The following KIF15 variants were observed in gnomAD, a reference collection of about 807,000 sequenced individuals.
KIF15 encodes the protein kinesin family member 15, also known as kinesin-like protein KIF15.
KIF15 carries 140 observed loss-of-function variants against 190.6 expected under a neutral mutation model. That is an observed-to-expected ratio of 0.73 (90% CI 0.64 to 0.84). The LOEUF (loss-of-function observed/expected upper bound fraction) is 0.84. Ranked by LOEUF, KIF15 falls within the 40% of genes least tolerant of loss-of-function variation. The pLI is 0.00. For missense variants in KIF15, 1,372 were observed against 1,584.4 expected (o/e 0.87, Z 2.28); for synonymous variants, 528 against 551.3 (o/e 0.96, Z 0.59).
At chr3:44,827,822 A>G (rs1697755843) in intron 23 of KIF15, among the ~76,000 whole-genome samples, 2 of 152,034 alleles carry the variant, frequency 1.3e-5, no homozygotes, top group African/African-American at 4.8e-5. Flanking sequence ...AGCTGGGACT[A>G]TGGGCATGCA....
intron 20 of KIF15, among the ~76,000 whole-genome samples, chr3:44,823,622 G>A (rs1697479410): frequency 6.6e-6 from 1 of 152,208 alleles, no homozygotes; most frequent in African/African-American, 2.4e-5. Flanking sequence ...CCCACAGGTG[G>A]AATCTATAGA....
At chr3:44,866,776 G>A (rs762349181) in intron 6 of KIF15, among the ~76,000 whole-genome samples, 67 of 152,256 alleles carry the variant, frequency 4.4e-4, no homozygotes, top group Admixed American at 7.8e-4. Context: ...GTTCTCTTCC[G>A]CAATGACTCC....
At chr3:44,796,508 A>G (rs1706983990) in intron 8 of KIF15, among the ~76,000 whole-genome samples, 2 of 152,352 alleles carry the variant, frequency 1.3e-5, no homozygotes, top group African/African-American at 2.4e-5. Context: ...CACACAGCTA[A>G]TAAAGGTAGA....
At chr3:44,812,985 A>C in intron 18 of KIF15, 90 bp from the exon 19 acceptor site, 1 of 206,006 alleles carries the variant, frequency 4.9e-6, no homozygotes, top group South Asian at 1.3e-4. Flanking sequence ...ACTCTGTCTC[A>C]AAAAAAAAAA....
chr3:44,861,904 G>A (rs1199414203), intron 6 of KIF15: 1 of 1,488,040 alleles, frequency 6.7e-7, no homozygotes, highest in Non-Finnish European at 8.9e-7. Flanking sequence ...GCGGGTGCCA[G>A]GCACGGTGTC....
chr3:44,851,858 G>A lies in KIF15; in HGVS notation c.3878G>A (p.Arg1293Gln), dbSNP rs369143716. The A allele has an allele frequency of 6.3e-5, 102 of 1,613,850 alleles. No individual in the cohort carries two copies. The highest frequency in any genetic ancestry group is 8.5e-5 in the Non-Finnish European group (100 of 1,179,926). ...ECLRMTDEVE[R>Q]TQTLESKAFQ... ...CTTAGAATGACTGATGAAGTCGAAC[G>A]AACCCAAACTTTGGAGTCTAAAGCA... The change falls in exon 33 of 35, where the codon CGA becomes CAA. Residue 1293 changes from arginine to glutamine, a missense_variant. Physicochemically the swap from Arg to Gln is conservative, Grantham distance 43. Transcript: ENST00000326047.
rs988564989 is a variant in KIF15 at position 44,852,764 on chromosome 3, C to T, written c.*29C>T. 7.1e-6 allele frequency: 11 copies of T among 1,557,356 alleles called. No homozygotes were observed. The Admixed American group carries it at 1.6e-4, about 23-fold the overall frequency. On this transcript the variant is annotated 3_prime_UTR_variant, in exon 35 of 35. Transcript: ENST00000326047. Reference sequence around the variant, plus strand: ...TTCCGGTCAGCTACCTAGGCATCACCTTGTTTGAAGATGTTTCTTCTCTTT... The same window carrying T: ...TTCCGGTCAGCTACCTAGGCATCACTTTGTTTGAAGATGTTTCTTCTCTTT...
chr3:44,800,613 C>G (rs1245788873), intron 11 of KIF15, among the ~76,000 whole-genome samples, 176 bp downstream of exon 11: 1 of 152,090 alleles, frequency 6.6e-6, no homozygotes, highest in Non-Finnish European at 1.5e-5. Context: ...ATACAGATAC[C>G]ATAGGCAGTG....
chr3:44,775,530 A>C (rs1705840548), intron 3 of KIF15, 93 bp downstream of exon 3: 1 of 887,660 alleles, frequency 1.1e-6, no homozygotes, highest in African/African-American at 1.7e-5. Context: ...ATCTCGGCTC[A>C]CTGCACCCTC....
chr3:44,774,021 C>T (rs1340730377), intron 1 of KIF15, among the ~76,000 whole-genome samples: 1 of 152,224 alleles, frequency 6.6e-6, no homozygotes, highest in Non-Finnish European at 1.5e-5. Context: ...CCTAGTGGTT[C>T]CACCCCATTC....
chr3:44,831,270 C>T (rs965347552), intron 26 of KIF15, among the ~76,000 whole-genome samples: 2 of 152,114 alleles, frequency 1.3e-5, no homozygotes, highest in Non-Finnish European at 2.9e-5. Context: ...CAAGCTTCCT[C>T]CTCTGGCAGT....
chr3:44,852,734 G>A lies in KIF15; in HGVS notation c.4166G>A (p.Ter1389=), dbSNP rs1699107997. The A allele has an allele frequency of 1.3e-6, 2 of 1,596,350 alleles. No individual in the cohort carries two copies. Among genetic ancestry groups the A allele is most frequent in the Non-Finnish European group, 8.5e-7 (1 of 1,174,318 alleles). The change falls in exon 35 of 35, where the codon TGA becomes TAA. Residue 1389 remains the stop codon, a stop_retained_variant. Coordinates refer to ENST00000326047, the MANE Select transcript of KIF15 (RefSeq NM_020242.3). The stretch of plus-strand genomic sequence containing the variant: ...AAAGAAAAGAAAAGAAGTGAATCTT[G>A]AGGATTCCGGTCAGCTACCTAGGCA... ...FLKEKKRSES[*]
chr3:44,790,418 G>T lies in KIF15; in HGVS notation c.640-3799G>T, dbSNP rs1301715829. ...GGTCTTTACACAGACAGTTGCCCCG[G>T]GTGGAAATCATTTTATTTTCTCAAG... On this transcript the variant is annotated intron_variant, in intron 7 of 34. Transcript: ENST00000326047. Among the ~76,000 whole-genome samples the T allele has an allele frequency of 3.9e-5, 6 of 152,032 alleles. No individual in the cohort carries two copies. In the East Asian group the frequency reaches 9.7e-4, roughly 24 times the overall value.
At chr3:44,849,258 AT>A (rs1428265103) in intron 32 of KIF15, among the ~76,000 whole-genome samples, 1 of 152,220 alleles carries the variant, frequency 6.6e-6, no homozygotes, top group African/African-American at 2.4e-5. Context: ...TATATCTAAA[AT>A]TTTTCATTGT....
chr3:44,854,371 T>A (rs180741463), downstream of KIF15, among the ~76,000 whole-genome samples: 46 of 119,414 alleles, frequency 3.9e-4, no homozygotes, highest in East Asian at 8.1e-3. Context: ...GGCAACAGAG[T>A]GAAAAAAAAA....
chr3:44,802,772 T>C, intron 13 of KIF15, 42 bp from the exon 14 acceptor site: 1 of 1,467,344 alleles, frequency 6.8e-7, no homozygotes, highest in Non-Finnish European at 9.0e-7. Flanking sequence ...ACTAAGGAAA[T>C]GTTTGTAAAT....
At chr3:44,854,372 GAAAAA>G (rs5848712), downstream of KIF15, among the ~76,000 whole-genome samples, 1 of 102,984 alleles carries the variant, frequency 9.7e-6, no homozygotes, top group Non-Finnish European at 2.0e-5. Context: ...GCAACAGAGT[GAAAAA>G]AAAAAAAAAA....
intron 3 of KIF15, among the ~76,000 whole-genome samples, chr3:44,777,022 G>A (rs1575581487): frequency 7.3e-6 from 1 of 137,444 alleles, no homozygotes; most frequent in East Asian, 2.1e-4. Context: ...GTAAGAGATG[G>A]TGTCTTGCTT....
intron 5 of KIF15, among the ~76,000 whole-genome samples, chr3:44,781,423 A>G (rs541003348): frequency 6.6e-6 from 1 of 152,202 alleles, no homozygotes; most frequent in Non-Finnish European, 1.5e-5. Context: ...CCATTACTGT[A>G]TAATATATTA....
Sources: allele counts gnomAD v4.1 joint callset (sites outside exome capture counted in the v4.1 genomes callset), GRCh38; gene constraint gnomAD v4.1.1; transcripts MANE v1.5; gene names NCBI Gene and HGNC (gene_info 2026-07-23, HGNC 2026-07-21).